GSTM3: variants seen among roughly 807,000 people sequenced by gnomAD.
GSTM3 encodes the protein glutathione S-transferase mu 3.
GSTM3 carries 34 observed loss-of-function variants against 36.1 expected under a neutral mutation model. The observed-to-expected ratio is 0.94, with a 90% CI of 0.72 to 1.25. The LOEUF (loss-of-function observed/expected upper bound fraction) is 1.25, where lower values mean the gene tolerates loss of function less well. Ranked by LOEUF, GSTM3 falls within the 50% of genes most tolerant of loss-of-function variation. The pLI, the probability that GSTM3 is intolerant of heterozygous loss-of-function variation, is 0.00. For missense variants in GSTM3, 266 were observed against 281.6 expected, an observed-to-expected ratio of 0.94 and a Z score of 0.40; for synonymous variants, 102 against 99.5, an observed-to-expected ratio of 1.03 and a Z score of -0.15.
chr1:109,739,638 G>T, intron 3 of GSTM3, 145 bp from the exon 4 acceptor site: 1 of 754,782 alleles, frequency 1.3e-6, no homozygotes. Flanking sequence ...GCCCTATTTG[G>T]TTAAGCATTA....
rs1434146449 is a variant in GSTM3 at position 109,740,528 on chromosome 1, G to A, written c.-224-17C>T. 5.4e-6 allele frequency: 3 copies of A among 551,528 alleles called. No individual in the cohort carries two copies. Among genetic ancestry groups the A allele is most frequent in the African/African-American group, 2.0e-5 (1 of 49,984 alleles). The allele number at this position is 551,528 out of a possible 1,614,324, so 34.2% of individuals were successfully genotyped here. A position where few individuals can be genotyped will look rare whatever the true frequency, so the allele number is the denominator to read the frequency against. ...GCAGGAGTGCTGCAGGAGAGCAAAG[G>A]ACCCGAGGTTGAGGCTCCTCCCTTC... On this transcript the variant is annotated splice_polypyrimidine_tract_variant and intron_variant, in intron 1 of 8. Coordinates refer to ENST00000361066, the MANE Select transcript of GSTM3 (RefSeq NM_000849.5).
chr1:109,740,071 C>T, intron 2 of GSTM3, 163 bp from the exon 3 acceptor site: 1 of 878,618 alleles, frequency 1.1e-6, no homozygotes, highest in South Asian at 1.6e-5. Context: ...CGCCCCTCCC[C>T]ACAGGGCCCG....
rs1031244676 is a variant in GSTM3 at position 109,735,897 on chromosome 1, T to TC, written c.*1173dup. 34 of 152,270 alleles carry TC rather than the reference T, an allele frequency of 2.2e-4. No homozygotes were observed. The highest frequency in any genetic ancestry group is 7.5e-4 in the African/African-American group (31 of 41,554). 9.4% of individuals were successfully genotyped at this position (152,270 alleles called of 1,614,324 possible). ...ACCTCGTGATCTGCCCACCTCAGCC[T>TC]CCCAAAGTGCTGGGATTACAGGCGT... On this transcript the variant is annotated 3_prime_UTR_variant, in exon 9 of 9. Coordinates refer to ENST00000361066, the MANE Select transcript of GSTM3 (RefSeq NM_000849.5).
Position 109,737,721 on chromosome 1 carries a change from G to A in GSTM3, c.403C>T (p.Leu135=). ...EKLKPQYLEE[L]PGQLKQFSMF... ...GAGAATTGTTTCAGTTGTCCAGGTAGCTCTTCCAAGTACTGAGGCTTCAGT... is the reference window on the plus strand; with the variant it reads ...GAGAATTGTTTCAGTTGTCCAGGTAACTCTTCCAAGTACTGAGGCTTCAGT... The change falls in exon 7 of 9, where the codon CTA becomes TTA. Residue 135 remains leucine, a synonymous_variant. Coordinates refer to ENST00000361066, the MANE Select transcript of GSTM3 (RefSeq NM_000849.5). 2 of 1,606,600 alleles carry A rather than the reference G, an allele frequency of 1.2e-6. No individual in the cohort carries two copies. Among genetic ancestry groups the A allele is most frequent in the Non-Finnish European group, 1.7e-6 (2 of 1,175,442 alleles).
Position 109,734,107 on chromosome 1 carries a change from G to C in GSTM3, c.*2964C>G, listed in dbSNP as rs1435352121. 2 of 152,152 alleles carry C rather than the reference G, an allele frequency of 1.3e-5. No homozygotes were observed. The highest frequency in any genetic ancestry group is 4.8e-5 in the African/African-American group (2 of 41,424). 9.4% of individuals were successfully genotyped at this position (152,152 alleles called of 1,614,324 possible). On this transcript the variant is annotated 3_prime_UTR_variant, in exon 9 of 9. Transcript: ENST00000361066. ...ATGAGAGAAGTAACATTTTCTTCTT[G>C]GGGTACTACAGCTGTGCATGCCTAA...
Position 109,739,844 on chromosome 1 carries a change from G to T in GSTM3, c.113C>A (p.Thr38Lys). 6.4e-7 allele frequency: 1 copy of T among 1,551,492 alleles called. No homozygotes were observed. Among genetic ancestry groups the T allele is most frequent in the Non-Finnish European group, 8.7e-7 (1 of 1,146,194 alleles). Residue 38 changes from threonine to lysine, a missense_variant, in exon 3 of 9, where the codon ACG becomes AAG. By Grantham distance (78) the Thr-to-Lys change is moderately conservative. Transcript: ENST00000361066. ...CGGAGCGGCATTACCTTCCCCGCAC[G>T]TGTACCGTTTCTCCTCATAAGAGGT... ...TDTSYEEKRY[T>K]CGEAPDYDRS...
In GSTM3 at chr1:109,738,073, TG is replaced by T. The variant is rs761730763; in HGVS notation, c.372+17del. 6.6e-6 allele frequency: 10 copies of T among 1,516,244 alleles called. No homozygotes were observed. In the South Asian group the frequency reaches 1.0e-4, roughly 15 times the overall value. 93.9% of individuals were successfully genotyped at this position (1,516,244 alleles called of 1,614,324 possible). A position where few individuals can be genotyped will look rare whatever the true frequency, so the allele number is the denominator to read the frequency against. Reference sequence around the variant, plus strand: ...TTTCTGATACTCCATTCAGCAGATGTGTGCTAAGGAAACTCACGTGGTCAGA... The same window carrying T: ...TTTCTGATACTCCATTCAGCAGATGTTGCTAAGGAAACTCACGTGGTCAGA... On this transcript the variant is annotated intron_variant, in intron 6 of 8. Transcript: ENST00000361066.
intron 4 of GSTM3, 109 bp from the exon 5 acceptor site, chr1:109,738,475 A>G (rs1649274593): frequency 1.4e-6 from 1 of 722,088 alleles, no homozygotes; most frequent in African/African-American, 1.8e-5. Context: ...GAGTGAGAAG[A>G]TGCTGTGTTA....
In GSTM3 at chr1:109,740,389, C is replaced by G; in HGVS notation, c.-102G>C. The G allele has an allele frequency of 2.1e-6, 2 of 958,706 alleles. No homozygotes were observed. Among genetic ancestry groups the G allele is most frequent in the Non-Finnish European group, 3.2e-6 (2 of 625,888 alleles). 59.4% of individuals were successfully genotyped at this position (958,706 alleles called of 1,614,324 possible). A position where few individuals can be genotyped will look rare whatever the true frequency, so the allele number is the denominator to read the frequency against. On this transcript the variant is annotated 5_prime_UTR_variant, in exon 2 of 9. Coordinates refer to ENST00000361066, the MANE Select transcript of GSTM3 (RefSeq NM_000849.5). ...GGGCCCACGCGCGGGCGCCCTGACT[C>G]CGCCTCCGCCCCGTTCTCCGTCCCT...
intron 1 of GSTM3, 69 bp from the exon 2 acceptor site, chr1:109,740,580 C>A: frequency 2.1e-6 from 1 of 467,082 alleles, no homozygotes; most frequent in Non-Finnish European, 3.8e-6. Context: ...AGACTTCATT[C>A]ATTAATGGTG....
In GSTM3 at chr1:109,735,958, G is replaced by A. The variant is rs908955072; in HGVS notation, c.*1113C>T. ...GCCCGGCCATGGATGAGTTTTTATA[G>A]CATGGAATTGCTGGGTCATAGGATA... On this transcript the variant is annotated 3_prime_UTR_variant, in exon 9 of 9. Transcript: ENST00000361066. The A allele has an allele frequency of 7.9e-5, 12 of 152,108 alleles. No homozygotes were observed. The highest frequency in any genetic ancestry group is 2.9e-4 in the African/African-American group (12 of 41,422). The allele number at this position is 152,108 out of a possible 1,614,324, so 9.4% of individuals were successfully genotyped here.
At chr1:109,739,714 C>A in intron 3 of GSTM3, 119 bp downstream of exon 3, 1 of 778,176 alleles carries the variant, frequency 1.3e-6, no homozygotes, top group South Asian at 1.6e-5. Flanking sequence ...TCTCTATTCA[C>A]CCAGATTGGG....
At position 109,737,753 on chromosome 1, in the gene GSTM3, T is replaced by C. The variant is rs1377701638; in HGVS notation, c.373-2A>G. 1.9e-6 allele frequency: 3 copies of C among 1,552,288 alleles called. No homozygotes were observed. The highest frequency in any genetic ancestry group is 2.2e-5 in the East Asian group (1 of 44,540). ...CAAGTACTGAGGCTTCAGTTTTTCC[T>C]GAGAGGAAAAAACAGAATGAGAATA... On this transcript the variant is annotated splice_acceptor_variant, in intron 6 of 8. Transcript: ENST00000361066. LOFTEE classifies it high-confidence loss of function.
intron 3 of GSTM3, 117 bp downstream of exon 3, chr1:109,739,716 C>G: frequency 1.3e-6 from 1 of 783,578 alleles, no homozygotes; most frequent in South Asian, 1.6e-5. Context: ...TCTATTCACC[C>G]AGATTGGGGC....
Position 109,736,809 on chromosome 1 carries a change from T to C in GSTM3, c.*262A>G. 4.7e-6 allele frequency: 2 copies of C among 424,006 alleles called. No individual in the cohort carries two copies. Among genetic ancestry groups the C allele is most frequent in the South Asian group, 2.8e-5 (1 of 36,096 alleles). 26.3% of individuals were successfully genotyped at this position (424,006 alleles called of 1,614,324 possible). On this transcript the variant is annotated 3_prime_UTR_variant, in exon 9 of 9. Transcript: ENST00000361066. ...TCCAACTGTGCAATCTCGTTTTTTC[T>C]AGTACCCACTCTCAGGGCTTGGGCA...
chr1:109,738,686 G>A (rs1227224191), intron 4 of GSTM3, among the ~76,000 whole-genome samples: 6 of 152,150 alleles, frequency 3.9e-5, no homozygotes, highest in Admixed American at 1.3e-4. Flanking sequence ...AGAGTAACAT[G>A]TGCCTATTAG....
chr1:109,738,052 T>C, intron 6 of GSTM3, 39 bp downstream of exon 6: 3 of 1,345,288 alleles, frequency 2.2e-6, no homozygotes, highest in Non-Finnish European at 3.2e-6. Flanking sequence ...CCCCTTTTTC[T>C]GATACTCCAT....
In GSTM3 at chr1:109,740,529, A is replaced by AC. The variant is rs1269826385; in HGVS notation, c.-224-19dup. 1 of 548,014 alleles carries AC rather than the reference A, an allele frequency of 1.8e-6. No homozygotes were observed. Among genetic ancestry groups the AC allele is most frequent in the Non-Finnish European group, 3.2e-6 (1 of 311,274 alleles). 33.9% of individuals were successfully genotyped at this position (548,014 alleles called of 1,614,324 possible). ...CAGGAGTGCTGCAGGAGAGCAAAGG[A>AC]CCCGAGGTTGAGGCTCCTCCCTTCC... On this transcript the variant is annotated intron_variant, in intron 1 of 8. Coordinates refer to ENST00000361066, the MANE Select transcript of GSTM3 (RefSeq NM_000849.5).
chr1:109,737,089 G>GC lies in GSTM3; in HGVS notation c.659dup (p.Asn221GlnfsTer22). 6.2e-7 allele frequency: 1 copy of GC among 1,609,520 alleles called. No individual in the cohort carries two copies. Among genetic ancestry groups the GC allele is most frequent in the African/African-American group, 1.3e-5 (1 of 74,974 alleles). ...CTCCTGCTCAGCATACAGGCTTGTT[G>GC]CCCCACTGGGCCATCTTGTTGTTGA... On this transcript the variant is annotated frameshift_variant, in exon 9 of 9. Coordinates refer to ENST00000361066, the MANE Select transcript of GSTM3 (RefSeq NM_000849.5). LOFTEE classifies it high-confidence loss of function.
Sources: gnomAD v4.1 joint callset for allele counts (sites outside exome capture counted in the v4.1 genomes callset) on GRCh38, gnomAD v4.1.1 for gene constraint, MANE v1.5 for transcripts, NCBI Gene and HGNC (gene_info 2026-07-23, HGNC 2026-07-21) for gene names.